The following CLTCL1 variants were observed in gnomAD, a reference collection of about 807,000 sequenced individuals.
CLTCL1 encodes clathrin heavy chain 2.
Under a neutral mutation model 190.0 loss-of-function variants are expected in CLTCL1, and 159 were observed. That is an observed-to-expected ratio of 0.84 (90% CI 0.74 to 0.95). CLTCL1 has a LOEUF of 0.95. Ranked by LOEUF, CLTCL1 falls within the 40% of genes least tolerant of loss-of-function variation. CLTCL1 has a pLI of 0.00. For synonymous variants in CLTCL1, 752 were observed against 769.6 expected (o/e 0.98, Z 0.38); for missense variants, 1,878 against 2,033.4 (o/e 0.92, Z 1.47).
rs550385834 is a variant in CLTCL1, at chr22:19,233,523, C to T, written c.1267G>A (p.Asp423Asn). The change falls in exon 8 of 33, where the codon GAC becomes AAC. Residue 423 changes from aspartate to asparagine, a missense_variant. By Grantham distance (23) the Asp-to-Asn change is conservative. Transcript: ENST00000427926. The stretch of plus-strand genomic sequence containing the variant: ...TCAAGTTTATTGAGCTGACCCTGGT[C>T]GAGCAGGATTCCGAAGTACTGCAGC... ...PLLQYFGILL[D>N]QGQLNKLESL... The T allele has an allele frequency of 2.1e-5, 34 of 1,613,814 alleles. No homozygotes were observed. Among genetic ancestry groups the T allele is most frequent in the Admixed American group, 3.3e-5 (2 of 59,996 alleles).
intron 2 of CLTCL1, among the ~76,000 whole-genome samples, chr22:19,255,851 A>C (rs2086729876): frequency 1.3e-5 from 2 of 151,312 alleles, no homozygotes; most frequent in African/African-American, 4.9e-5. Context: ...CGGAGGTTGC[A>C]GTGAGCCAAA....
intron 3 of CLTCL1, among the ~76,000 whole-genome samples, chr22:19,250,146 C>T (rs1424620589): frequency 1.2e-4 from 18 of 151,602 alleles, no homozygotes; most frequent in African/African-American, 1.9e-4. Context: ...CCCAGCTACT[C>T]GGGTGGCTGA....
At chr22:19,235,589 A>C in intron 6 of CLTCL1, 107 bp downstream of exon 6, 1 of 1,019,568 alleles carries the variant, frequency 9.8e-7, no homozygotes, top group Non-Finnish European at 1.5e-6. Flanking sequence ...TAATAACAGG[A>C]ACTATTAATA....
At chr22:19,263,637 T>C (rs1293444085) in intron 2 of CLTCL1, among the ~76,000 whole-genome samples, 1 of 152,124 alleles carries the variant, frequency 6.6e-6, no homozygotes, top group Non-Finnish European at 1.5e-5. Flanking sequence ...GCCAGGATGG[T>C]CTTGATCTCC....
At position 19,199,808 on chromosome 22, in the gene CLTCL1, G is replaced by T; in HGVS notation, c.3799C>A (p.Arg1267Ser). 1 of 1,597,540 alleles carries T rather than the reference G, an allele frequency of 6.3e-7. No individual in the cohort carries two copies. Among genetic ancestry groups the T allele is most frequent in the East Asian group, 2.3e-5 (1 of 44,300 alleles). Residue 1267 changes from arginine (R) to serine (S), a missense_variant, in exon 24 of 33, where the codon CGC becomes AGC. Transcript: ENST00000427926. ...TGAAGACCACACAGCTGTGCGAAGC[G>T]GAACTCTTGTCCATCCATGCAGGCA... Reference protein sequence around the residue: ...CFACMDGQEFRFAQLCGLHIV... With the variant: ...CFACMDGQEFSFAQLCGLHIV...
intron 10 of CLTCL1, among the ~76,000 whole-genome samples, chr22:19,231,486 C>G (rs140724152): frequency 1.3e-5 from 2 of 152,234 alleles, no homozygotes; most frequent in Admixed American, 6.5e-5. Flanking sequence ...TGTCTCTCTG[C>G]AGCATCTTGA....
rs781896923 is a variant in CLTCL1 at position 19,232,579 on chromosome 22, C to T, written c.1541G>A (p.Trp514Ter). The change falls in exon 10 of 33, where the codon TGG becomes TAG. Residue 514 changes from tryptophan to a stop codon, truncating the protein, a stop_gained. Coordinates refer to ENST00000427926, the MANE Select transcript of CLTCL1 (RefSeq NM_007098.4). LOFTEE classifies it high-confidence loss of function. The part of the protein sequence containing the change: ...YAKKVGYTPD[W>*]IFLLRGVMKI... The stretch of plus-strand genomic sequence containing the variant: ...CATTACACCCCTCAGCAGAAAGATC[C>T]AGTCTGGGGTGTACCCAACCTAGAA... 5.0e-6 allele frequency: 8 copies of T among 1,613,232 alleles called. No individual in the cohort carries two copies. In the Admixed American group the frequency reaches 8.3e-5, roughly 17 times the overall value.
chr22:19,262,779 C>G (rs1219669326), intron 2 of CLTCL1, among the ~76,000 whole-genome samples: 1 of 152,032 alleles, frequency 6.6e-6, no homozygotes, highest in East Asian at 1.9e-4. Flanking sequence ...GCCTGTAATC[C>G]CAGCACTTTG....
At chr22:19,250,465 C>T (rs574535046) in intron 3 of CLTCL1, among the ~76,000 whole-genome samples, 116 of 151,110 alleles carry the variant, frequency 7.7e-4, no homozygotes, top group Non-Finnish European at 1.2e-3. Context: ...GAGCCTCCCA[C>T]GTAGCCAGGA....
At chr22:19,204,359 G>T (rs551553810) in intron 22 of CLTCL1, among the ~76,000 whole-genome samples, 2 of 152,108 alleles carry the variant, frequency 1.3e-5, no homozygotes, top group Admixed American at 6.6e-5. Flanking sequence ...CACTTGCCCC[G>T]CTGTCTTGTT....
chr22:19,252,942 A>G (rs1555970781), intron 3 of CLTCL1, among the ~76,000 whole-genome samples: 1 of 147,974 alleles, frequency 6.8e-6, no homozygotes, highest in Non-Finnish European at 1.5e-5. Context: ...TGAACCCAGG[A>G]GGCAGAGCTT....
Position 19,278,289 on chromosome 22 carries a change from T to TA in CLTCL1, c.43-2460dup, listed in dbSNP as rs201088998. ...TATATTGCTTAACATTTTGTAAGTC[T>TA]AAAAAAAAATTCAAGCCCCAAAATA... On this transcript the variant is annotated intron_variant, in intron 1 of 32. Transcript: ENST00000427926. 3.6e-4 allele frequency among the ~76,000 whole-genome samples: 55 copies of TA among 151,588 alleles called. 1 individual carries two copies. Among genetic ancestry groups the TA allele is most frequent in the African/African-American group, 1.2e-3 (51 of 41,360 alleles).
intron 2 of CLTCL1, among the ~76,000 whole-genome samples, chr22:19,260,648 G>A (rs1335356216): frequency 6.6e-6 from 1 of 151,836 alleles, no homozygotes; most frequent in African/African-American, 2.4e-5. Context: ...GCATGGTGGT[G>A]CATGCCTGTA....
intron 19 of CLTCL1, among the ~76,000 whole-genome samples, chr22:19,210,760 G>T (rs1211191208): frequency 6.6e-6 from 1 of 152,190 alleles, no homozygotes; most frequent in Non-Finnish European, 1.5e-5. Flanking sequence ...TGGGAGGGCT[G>T]CTGTGGCTTT....
chr22:19,201,601 G>T, intron 22 of CLTCL1, 108 bp from the exon 23 acceptor site: 1 of 1,205,326 alleles, frequency 8.3e-7, no homozygotes, highest in Non-Finnish European at 1.2e-6. Flanking sequence ...TTGCTAGGGT[G>T]GTAAGCATCT....
At position 19,225,461 on chromosome 22, in the gene CLTCL1, C is replaced by T. The variant is rs200918233; in HGVS notation, c.2120G>A (p.Ser707Asn). The T allele has an allele frequency of 2.8e-4, 442 of 1,581,626 alleles. No individual in the cohort carries two copies. The highest frequency in any genetic ancestry group is 1.7e-3 in the Admixed American group (94 of 55,544). ...ALVELFESFKSYKGLFYFLGS... is the reference protein window; with the variant it reads ...ALVELFESFKNYKGLFYFLGS... Reference sequence around the variant, plus strand: ...GAGGCTGCATGGTTTACCTTTGTAACTCTTGAAGGATTCAAAGAGCTCCAC... The same window carrying T: ...GAGGCTGCATGGTTTACCTTTGTAATTCTTGAAGGATTCAAAGAGCTCCAC... Residue 707 changes from serine to asparagine, a missense_variant, in exon 13 of 33, where the codon AGT becomes AAT. By Grantham distance (46) the Ser-to-Asn change is conservative. Transcript: ENST00000427926.
At chr22:19,192,541 A>C (rs1384249909) in intron 26 of CLTCL1, among the ~76,000 whole-genome samples, 4 of 152,184 alleles carry the variant, frequency 2.6e-5, no homozygotes, top group Non-Finnish European at 4.4e-5. Context: ...AGCTAAAGTC[A>C]TGCTGGGATC....
intron 2 of CLTCL1, among the ~76,000 whole-genome samples, chr22:19,259,414 C>CA (rs200808356): frequency 6.6e-6 from 1 of 151,644 alleles, no homozygotes; most frequent in African/African-American, 2.4e-5. Flanking sequence ...ACAACAACAA[C>CA]AAAAAAAATC....
At chr22:19,234,216 C>T (rs555104061) in intron 7 of CLTCL1, among the ~76,000 whole-genome samples, 1 of 152,192 alleles carries the variant, frequency 6.6e-6, no homozygotes, top group African/African-American at 2.4e-5. Context: ...AACCAGGTAG[C>T]AAGAGTGGAA....
Sources: allele counts gnomAD v4.1 joint callset (sites outside exome capture counted in the v4.1 genomes callset), GRCh38; gene constraint gnomAD v4.1.1; transcripts MANE v1.5; gene names NCBI Gene and HGNC (gene_info 2026-07-23, HGNC 2026-07-21).